PRKCE: variants seen among roughly 807,000 people sequenced by gnomAD.
The protein encoded by PRKCE is protein kinase C epsilon type.
Under a neutral mutation model 85.4 loss-of-function variants are expected in PRKCE, and 16 were observed. The observed-to-expected ratio is 0.19, with a 90% CI of 0.13 to 0.28. The LOEUF is 0.28. Ranked by LOEUF, PRKCE falls within the 10% of genes least tolerant of loss-of-function variation. PRKCE has a pLI of 1.00. For missense variants in PRKCE, 573 were observed against 975.2 expected (o/e 0.59, Z 5.49); for synonymous variants, 388 against 371.5 (o/e 1.04, Z -0.51).
At chr2:46,133,719 G>T (rs1387744826) in intron 11 of PRKCE, among the ~76,000 whole-genome samples, 3 of 152,144 alleles carry the variant, frequency 2.0e-5, no homozygotes, top group Non-Finnish European at 2.9e-5. Context: ...TTGAATACTG[G>T]GTACTTTGCA....
At chr2:45,897,896 G>A (rs996655797) in intron 2 of PRKCE, among the ~76,000 whole-genome samples, 4 of 152,198 alleles carry the variant, frequency 2.6e-5, no homozygotes, top group Admixed American at 2.6e-4. Context: ...AGGGCATGAT[G>A]AGACACCCGG....
chr2:46,054,718 G>A (rs184267322), intron 10 of PRKCE, among the ~76,000 whole-genome samples: 19 of 152,218 alleles, frequency 1.2e-4, no homozygotes, highest in Admixed American at 5.2e-4. Flanking sequence ...GCCTAATACC[G>A]TGGCCCAAAG....
At chr2:45,698,881 TC>T (rs141903118) in intron 1 of PRKCE, among the ~76,000 whole-genome samples, 3,527 of 152,196 alleles carry the variant, frequency 0.023, 121 homozygotes, top group African/African-American at 0.08. Context: ...GTGGTTACCC[TC>T]CCTTTTGGGA....
intron 11 of PRKCE, among the ~76,000 whole-genome samples, chr2:46,095,903 TA>T (rs1214281564): frequency 6.6e-6 from 1 of 152,248 alleles, no homozygotes; most frequent in Non-Finnish European, 1.5e-5. Context: ...AGCCAGACAC[TA>T]TTCTAAACAC....
chr2:45,823,029 A>G (rs1182630999), intron 1 of PRKCE, among the ~76,000 whole-genome samples: 1 of 152,176 alleles, frequency 6.6e-6, no homozygotes, highest in Non-Finnish European at 1.5e-5. Context: ...CTCCCACCCC[A>G]ATTGACCAGG....
chr2:46,013,664 C>A (rs72876132), intron 10 of PRKCE, among the ~76,000 whole-genome samples: 209 of 152,296 alleles, frequency 1.4e-3, no homozygotes, highest in African/African-American at 4.7e-3. Context: ...AACACAAAGA[C>A]CCGATTGCAA....
intron 11 of PRKCE, among the ~76,000 whole-genome samples, chr2:46,137,112 A>G (rs1675078398): frequency 6.6e-6 from 1 of 152,190 alleles, no homozygotes; most frequent in South Asian, 2.1e-4. Context: ...CTGTGCTAGC[A>G]CTTTCGCAGA....
chr2:45,979,407 C>T (rs1216841779), intron 4 of PRKCE, among the ~76,000 whole-genome samples: 1 of 152,196 alleles, frequency 6.6e-6, no homozygotes, highest in African/African-American at 2.4e-5. Flanking sequence ...AGCTTCCTCG[C>T]CTGCTCGTTG....
At chr2:45,797,247 G>A (rs1352538246) in intron 1 of PRKCE, among the ~76,000 whole-genome samples, 9 of 152,196 alleles carry the variant, frequency 5.9e-5, no homozygotes, top group African/African-American at 2.2e-4. Context: ...TACTCATTCT[G>A]CCTCATGGCT....
At chr2:46,176,504 G>C (rs1034174440) in intron 14 of PRKCE, among the ~76,000 whole-genome samples, 9 of 152,124 alleles carry the variant, frequency 5.9e-5, no homozygotes, top group Non-Finnish European at 1.3e-4. Context: ...AGGACACTTT[G>C]AAATTGATAT....
intron 13 of PRKCE, among the ~76,000 whole-genome samples, chr2:46,152,026 G>T (rs1432134951): frequency 6.6e-6 from 1 of 152,098 alleles, no homozygotes; most frequent in East Asian, 1.9e-4. Context: ...TTCTAGACTT[G>T]GCTTCTTCCA....
At chr2:45,663,260 A>G (rs1288776222) in intron 1 of PRKCE, among the ~76,000 whole-genome samples, 3 of 152,244 alleles carry the variant, frequency 2.0e-5, no homozygotes, top group Non-Finnish European at 4.4e-5. Flanking sequence ...CATATTTTGA[A>G]AAACATTATA....
At chr2:45,984,885 A>G (rs1703185116) in intron 6 of PRKCE, among the ~76,000 whole-genome samples, 1 of 152,218 alleles carries the variant, frequency 6.6e-6, no homozygotes, top group African/African-American at 2.4e-5. Context: ...GTGGAGGGAA[A>G]CACCGAGGAA....
intron 11 of PRKCE, among the ~76,000 whole-genome samples, chr2:46,101,846 A>G (rs1213087738): frequency 1.5e-5 from 2 of 130,896 alleles, no homozygotes; most frequent in East Asian, 4.6e-4. Context: ...GTGTATGCTG[A>G]TAAACTGGCT....
At chr2:45,890,247 T>C (rs1007148998) in intron 2 of PRKCE, among the ~76,000 whole-genome samples, 1 of 152,244 alleles carries the variant, frequency 6.6e-6, no homozygotes, top group African/African-American at 2.4e-5. Context: ...CCTAGCTTAG[T>C]TATTACCCAT....
At chr2:45,673,296 C>G (rs138219630) in intron 1 of PRKCE, among the ~76,000 whole-genome samples, 1 of 152,170 alleles carries the variant, frequency 6.6e-6, no homozygotes. Context: ...CATTCACACT[C>G]AAAAACGAAT....
chr2:46,122,677 G>T (rs577848138), intron 11 of PRKCE, among the ~76,000 whole-genome samples: 2 of 152,218 alleles, frequency 1.3e-5, no homozygotes, highest in African/African-American at 4.8e-5. Flanking sequence ...TTATTGAGGG[G>T]TTAAATTGGG....
intron 14 of PRKCE, among the ~76,000 whole-genome samples, chr2:46,171,580 C>A (rs1391252830): frequency 2.0e-5 from 3 of 152,166 alleles, no homozygotes; most frequent in Admixed American, 1.3e-4. Flanking sequence ...AAGTCCTGAC[C>A]CCACCTCTTG....
intron 1 of PRKCE, among the ~76,000 whole-genome samples, chr2:45,814,185 G>A (rs554685951): frequency 6.6e-6 from 1 of 152,336 alleles, no homozygotes; most frequent in African/African-American, 2.4e-5. Context: ...ACCAAAGTGT[G>A]ACTTTGGTGC....
Sources: gnomAD v4.1 joint callset for allele counts (sites outside exome capture counted in the v4.1 genomes callset) on GRCh38, gnomAD v4.1.1 for gene constraint, MANE v1.5 for transcripts, NCBI Gene and HGNC (gene_info 2026-07-23, HGNC 2026-07-21) for gene names.